The following LPP variants were observed in gnomAD, a reference collection of about 807,000 sequenced individuals.
The protein encoded by LPP is LIM domain containing preferred translocation partner in lipoma.
In LPP, 38 loss-of-function variants were observed where a neutral mutation model predicts 60.4. The ratio of observed to expected loss-of-function variants is 0.63; its 90% CI spans 0.49 to 0.83. The LOEUF (loss-of-function observed/expected upper bound fraction) is 0.83. Ranked by LOEUF, LPP falls within the 40% of genes least tolerant of loss-of-function variation. The probability of loss-of-function intolerance (pLI) is 0.00; values close to 1 mark genes in which losing one functional copy is unlikely to be tolerated. For missense variants in LPP, 902 were observed against 783.6 expected, an observed-to-expected ratio of 1.15 and a Z score of -1.80; for synonymous variants, 328 against 290.8, an observed-to-expected ratio of 1.13 and a Z score of -1.30.
intron 5 of LPP, among the ~76,000 whole-genome samples, chr3:188,524,110 T>A (rs1819786095): frequency 6.6e-6 from 1 of 152,010 alleles, no homozygotes; most frequent in Non-Finnish European, 1.5e-5. Flanking sequence ...CCCTAAGAGG[T>A]CTCTTTCCAG....
At chr3:188,466,834 T>TATATATATATATATAG (rs1553906195) in intron 4 of LPP, among the ~76,000 whole-genome samples, 12 of 126,146 alleles carry the variant, frequency 9.5e-5, no homozygotes, top group Admixed American at 1.6e-4. Context: ...TATATATATA[T>TATATATATATATATAG]ATATATATGC....
intron 10 of LPP, among the ~76,000 whole-genome samples, chr3:188,866,664 G>C (rs1242866405): frequency 6.6e-6 from 1 of 152,182 alleles, no homozygotes; most frequent in Non-Finnish European, 1.5e-5. Context: ...TAGTGTGTAT[G>C]TGTTAGAAAG....
chr3:188,336,792 A>G (rs1017579491), intron 2 of LPP, among the ~76,000 whole-genome samples: 5 of 152,124 alleles, frequency 3.3e-5, no homozygotes, highest in Non-Finnish European at 7.4e-5. Context: ...CAGCCCAGCC[A>G]CTGCTCAGTT....
chr3:188,672,871 C>T (rs773340482), intron 7 of LPP, among the ~76,000 whole-genome samples: 7 of 152,008 alleles, frequency 4.6e-5, no homozygotes, highest in Non-Finnish European at 1.0e-4. Flanking sequence ...GGAATTGAGT[C>T]AATATAATAT....
chr3:188,631,727 G>A (rs540864490), intron 7 of LPP, among the ~76,000 whole-genome samples: 27 of 152,246 alleles, frequency 1.8e-4, no homozygotes, highest in African/African-American at 6.5e-4. Flanking sequence ...ACAAATCTGT[G>A]TCACAGAGCT....
At chr3:188,244,774 C>CAGAA (rs1726281512) in intron 2 of LPP, among the ~76,000 whole-genome samples, 29 of 152,280 alleles carry the variant, frequency 1.9e-4, no homozygotes, top group Admixed American at 1.6e-3. Flanking sequence ...AATCACACTG[C>CAGAA]CTGGTGTCTA....
chr3:188,229,793 A>G (rs887700558), intron 2 of LPP, among the ~76,000 whole-genome samples: 2 of 152,172 alleles, frequency 1.3e-5, no homozygotes, highest in African/African-American at 4.8e-5. Flanking sequence ...CCTCTACTCT[A>G]CATTAGGCAT....
At chr3:188,531,899 AACTGGTGACCACCCCT>A (rs1481151304) in intron 6 of LPP, among the ~76,000 whole-genome samples, 1 of 152,188 alleles carries the variant, frequency 6.6e-6, no homozygotes, top group Admixed American at 6.5e-5. Flanking sequence ...AAGTCTGGGT[AACTGGTGACCACCCCT>A]ACTCTGCCCC....
chr3:188,451,400 G>C (rs924913406), intron 4 of LPP, among the ~76,000 whole-genome samples: 1 of 152,168 alleles, frequency 6.6e-6, no homozygotes, highest in Non-Finnish European at 1.5e-5. Context: ...TCTTGAAAAT[G>C]TGGTGTTGTC....
At chr3:188,756,173 C>A (rs1456837082) in intron 8 of LPP, among the ~76,000 whole-genome samples, 1 of 152,028 alleles carries the variant, frequency 6.6e-6, no homozygotes, top group Non-Finnish European at 1.5e-5. Flanking sequence ...GATGGGAGAG[C>A]AGAGGTGAAG....
At chr3:188,227,993 G>A (rs780339276) in intron 2 of LPP, among the ~76,000 whole-genome samples, 1 of 152,256 alleles carries the variant, frequency 6.6e-6, no homozygotes, top group Non-Finnish European at 1.5e-5. Context: ...GCTGTTAGGA[G>A]AGGGAGAGAG....
At chr3:188,499,950 A>G (rs1255475047) in intron 5 of LPP, among the ~76,000 whole-genome samples, 1 of 152,124 alleles carries the variant, frequency 6.6e-6, no homozygotes, top group Non-Finnish European at 1.5e-5. Flanking sequence ...ATTTTTGTGT[A>G]GTAACTTTAT....
intron 9 of LPP, among the ~76,000 whole-genome samples, chr3:188,826,394 A>G (rs1755500251): frequency 6.6e-6 from 1 of 152,192 alleles, no homozygotes; most frequent in Non-Finnish European, 1.5e-5. Flanking sequence ...TCATCTGGAA[A>G]GTTCTATTAT....
At chr3:188,869,965 G>T (rs981338513) in intron 10 of LPP, among the ~76,000 whole-genome samples, 14 of 152,062 alleles carry the variant, frequency 9.2e-5, no homozygotes, top group Non-Finnish European at 1.6e-4. Context: ...CACCTAAATG[G>T]TTATCTTTAA....
chr3:188,257,416 A>C (rs1261431911), intron 2 of LPP, among the ~76,000 whole-genome samples: 1 of 152,190 alleles, frequency 6.6e-6, no homozygotes, highest in African/African-American at 2.4e-5. Context: ...GTCATTTGAC[A>C]AAGACTGAAT....
At chr3:188,429,483 C>T (rs1300920601) in intron 4 of LPP, among the ~76,000 whole-genome samples, 2 of 152,128 alleles carry the variant, frequency 1.3e-5, no homozygotes, top group Non-Finnish European at 2.9e-5. Context: ...TTGCATTGGC[C>T]TTACTATATG....
chr3:188,738,511 G>A (rs1183170864), intron 8 of LPP, among the ~76,000 whole-genome samples: 1 of 152,138 alleles, frequency 6.6e-6, no homozygotes, highest in African/African-American at 2.4e-5. Flanking sequence ...AATTCTGTGT[G>A]GAGAATCTTA....
intron 1 of LPP, among the ~76,000 whole-genome samples, chr3:188,173,575 A>T (rs1033055801): frequency 6.6e-6 from 1 of 152,146 alleles, no homozygotes; most frequent in South Asian, 2.1e-4. Flanking sequence ...CTCAAAAAAA[A>T]AGTAAGAAAG....
intron 2 of LPP, among the ~76,000 whole-genome samples, chr3:188,250,352 A>T (rs755564423): frequency 7.2e-5 from 11 of 152,196 alleles, no homozygotes; most frequent in Non-Finnish European, 1.0e-4. Context: ...GAATATTACA[A>T]AGATAATGTG....
Sources: gnomAD v4.1 joint callset for allele counts (sites outside exome capture counted in the v4.1 genomes callset) on GRCh38, gnomAD v4.1.1 for gene constraint, MANE v1.5 for transcripts, NCBI Gene and HGNC (gene_info 2026-07-23, HGNC 2026-07-21) for gene names.